The following KDM4B variants were observed in gnomAD, a reference collection of about 807,000 sequenced individuals.
KDM4B encodes the protein lysine demethylase 4B, also known as lysine-specific demethylase 4B.
KDM4B carries 32 observed loss-of-function variants against 125.2 expected under a neutral mutation model. The observed-to-expected ratio is 0.26, with a 90% CI of 0.19 to 0.34. The LOEUF (loss-of-function observed/expected upper bound fraction) is 0.34. Ranked by LOEUF, KDM4B falls within the 10% of genes least tolerant of loss-of-function variation. KDM4B has a pLI of 1.00. For synonymous variants in KDM4B, 721 were observed against 677.9 expected, an observed-to-expected ratio of 1.06 and a Z score of -0.99; for missense variants, 1,190 against 1,577.7, an observed-to-expected ratio of 0.75 and a Z score of 4.16.
chr19:5,049,661 G>C lies in KDM4B; in HGVS notation c.626+1992G>C, dbSNP rs8106385. Among the ~76,000 whole-genome samples, 1,149 of 152,184 alleles carry C rather than the reference G, an allele frequency of 7.6e-3. 14 individuals carry two copies. The highest frequency in any genetic ancestry group is 0.026 in the African/African-American group (1,081 of 41,506). ...GCTCTCTCACCAGGGCTGAGGCGGG[G>C]CCCCAGATGTTCCCACGACACCCCA... On this transcript the variant is annotated intron_variant, in intron 6 of 22. Transcript: ENST00000159111.
intron 8 of KDM4B, 153 bp downstream of exon 8, chr19:5,077,623 C>T: frequency 4.8e-6 from 3 of 623,934 alleles, no homozygotes; most frequent in East Asian, 5.6e-5. Flanking sequence ...CATGGCTCAG[C>T]AGTTAGCCTC....
intron 6 of KDM4B, among the ~76,000 whole-genome samples, chr19:5,067,046 C>T (rs1210740984): frequency 6.6e-6 from 1 of 152,178 alleles, no homozygotes; most frequent in East Asian, 1.9e-4. Flanking sequence ...CCAGGCAAGG[C>T]CAGGGGCCTG....
In KDM4B at chr19:5,077,358, C is replaced by A; in HGVS notation, c.677-9C>A. On this transcript the variant is annotated splice_polypyrimidine_tract_variant and intron_variant, in intron 7 of 22. Transcript: ENST00000159111. Reference sequence around the variant, plus strand: ...CCCAGGAGACTGACGTCTGTCTTTTCGGCCCTAGGCTTCTTCCCCGGGAGC... The same window carrying A: ...CCCAGGAGACTGACGTCTGTCTTTTAGGCCCTAGGCTTCTTCCCCGGGAGC... 1 of 1,610,710 alleles carries A rather than the reference C, an allele frequency of 6.2e-7. No homozygotes were observed. Among genetic ancestry groups the A allele is most frequent in the South Asian group, 1.1e-5 (1 of 91,026 alleles).
intron 3 of KDM4B, among the ~76,000 whole-genome samples, chr19:5,038,614 T>C (rs1323645300): frequency 6.6e-6 from 1 of 152,210 alleles, no homozygotes; most frequent in Non-Finnish European, 1.5e-5. Flanking sequence ...AGGACCTCTC[T>C]GGGGTGGAAG....
intron 1 of KDM4B, among the ~76,000 whole-genome samples, chr19:4,986,587 C>A (rs1225798470): frequency 6.6e-6 from 1 of 152,192 alleles, no homozygotes; most frequent in Non-Finnish European, 1.5e-5. Flanking sequence ...AGGCCAGGTG[C>A]TGAGGGGCCG....
At chr19:5,137,934 C>T (rs376540395) in intron 17 of KDM4B, 28 bp from the exon 18 acceptor site, 16 of 1,582,676 alleles carry the variant, frequency 1.0e-5, no homozygotes, top group Middle Eastern at 3.3e-4. Flanking sequence ...CAGAGGCGCA[C>T]CTGACCCCGC....
At chr19:5,028,394 C>T (rs1161425004) in intron 2 of KDM4B, among the ~76,000 whole-genome samples, 4 of 152,160 alleles carry the variant, frequency 2.6e-5, no homozygotes, top group East Asian at 1.9e-4. Context: ...CTCCATGTGG[C>T]GCCTGTGTCA....
rs536333335 is a variant in KDM4B, at chr19:5,082,191, C to T, written c.781-176C>T. Among the ~76,000 whole-genome samples, 1 of 152,176 alleles carries T rather than the reference C, an allele frequency of 6.6e-6. No individual in the cohort carries two copies. The highest frequency in any genetic ancestry group is 1.5e-5 in the Non-Finnish European group (1 of 68,016). On this transcript the variant is annotated intron_variant, in intron 8 of 22. Coordinates refer to ENST00000159111, the MANE Select transcript of KDM4B (RefSeq NM_015015.3). The surrounding 1 kb of genome is among the most constrained non-coding windows in gnomAD (Gnocchi z 5.4). ...TGCTCACTATGTCCTTCATGAGCCG[C>T]GTGGGAAATGGGCTGGAGCCCTGGA...
At chr19:5,119,469 G>A (rs2039319581) in intron 10 of KDM4B, among the ~76,000 whole-genome samples, 184 bp from the exon 11 acceptor site, 1 of 152,158 alleles carries the variant, frequency 6.6e-6, no homozygotes, top group Non-Finnish European at 1.5e-5. Context: ...CACGGCTCCT[G>A]CCCCGCAAGA....
intron 1 of KDM4B, among the ~76,000 whole-genome samples, chr19:5,010,507 C>T (rs560359615): frequency 1.4e-4 from 22 of 152,270 alleles, no homozygotes; most frequent in Admixed American, 2.6e-4. Context: ...TTTACATTTC[C>T]GCGTGGCTCT....
At chr19:5,060,980 A>G (rs1238295826) in intron 6 of KDM4B, among the ~76,000 whole-genome samples, 1 of 152,244 alleles carries the variant, frequency 6.6e-6, no homozygotes, top group East Asian at 1.9e-4. Context: ...CAGGCGTGAC[A>G]TGGCTTGCCT....
chr19:4,978,876 C>T (rs548176406), intron 1 of KDM4B, among the ~76,000 whole-genome samples: 12 of 152,342 alleles, frequency 7.9e-5, no homozygotes, highest in South Asian at 2.1e-4. Flanking sequence ...TGTCCAGCTC[C>T]GCGTGAGAGT....
chr19:5,095,956 G>A (rs772130960), intron 9 of KDM4B, among the ~76,000 whole-genome samples: 11 of 152,246 alleles, frequency 7.2e-5, no homozygotes, highest in Non-Finnish European at 1.3e-4. Context: ...CAGAGTGTGC[G>A]CCCCACCAAG....
chr19:5,101,541 AC>A (rs1045566297), intron 9 of KDM4B, among the ~76,000 whole-genome samples: 2 of 151,652 alleles, frequency 1.3e-5, no homozygotes, highest in African/African-American at 4.9e-5. Flanking sequence ...AAAAAAAAAA[AC>A]AAAACCCCAA....
intron 3 of KDM4B, among the ~76,000 whole-genome samples, chr19:5,038,513 C>T (rs559130482): frequency 3.9e-5 from 6 of 152,330 alleles, no homozygotes; most frequent in East Asian, 3.9e-4. Context: ...GTGAAGGCAC[C>T]GGGTTCCGGC....
At chr19:5,039,169 C>T (rs1035367981) in intron 3 of KDM4B, among the ~76,000 whole-genome samples, 5 of 152,196 alleles carry the variant, frequency 3.3e-5, no homozygotes, top group Non-Finnish European at 5.9e-5. Flanking sequence ...CTTACCAGGG[C>T]GCAGTGGCTC....
At chr19:5,122,503 A>C (rs775842484) in intron 11 of KDM4B, among the ~76,000 whole-genome samples, 1 of 152,252 alleles carries the variant, frequency 6.6e-6, no homozygotes, top group Non-Finnish European at 1.5e-5. Context: ...GGCAAACTGG[A>C]AACACAAAGC....
intron 10 of KDM4B, chr19:5,111,574 TG>T (rs1253756122): frequency 1.3e-6 from 1 of 751,818 alleles, no homozygotes; most frequent in Admixed American, 1.7e-5. Flanking sequence ...GCCCCTCCTC[TG>T]GGAAGTGTCC....
intron 1 of KDM4B, among the ~76,000 whole-genome samples, chr19:5,000,018 TATCC>T (rs1196720066): frequency 3.6e-5 from 3 of 82,370 alleles, no homozygotes; most frequent in African/African-American, 4.9e-5. Flanking sequence ...CCTATCCATC[TATCC>T]ATCCATCCAT....
Sources: gnomAD v4.1 joint callset for allele counts (sites outside exome capture counted in the v4.1 genomes callset) on GRCh38, gnomAD v4.1.1 for gene constraint, Gnocchi (gnomAD v3.1) non-coding constraint, MANE v1.5 for transcripts, NCBI Gene and HGNC (gene_info 2026-07-23, HGNC 2026-07-21) for gene names.